The following LYPLAL1 variants were observed in gnomAD, a reference collection of about 807,000 sequenced individuals.
LYPLAL1 encodes lysophospholipase like 1.
LYPLAL1 carries 23 observed loss-of-function variants against 19.7 expected under a neutral mutation model. The ratio of observed to expected loss-of-function variants is 1.17; its 90% CI spans 0.84 to 1.65. The LOEUF is 1.65. Ranked by LOEUF, LYPLAL1 falls within the 40% of genes most tolerant of loss-of-function variation. The pLI is 0.00. For synonymous variants in LYPLAL1, 119 were observed against 96.3 expected, an observed-to-expected ratio of 1.24 and a Z score of -1.38; for missense variants, 355 against 279.4, an observed-to-expected ratio of 1.27 and a Z score of -1.93.
At chr1:219,220,619 A>T in the LYPLAL1 span, among the ~76,000 whole-genome samples, 1 of 152,254 alleles carries the variant, frequency 6.6e-6, no homozygotes, top group African/African-American at 2.4e-5. Flanking sequence ...TGCCTTACTA[A>T]GGCATGTGAA....
At chr1:219,199,016 A>G (rs1171814717) in intron 3 of LYPLAL1, among the ~76,000 whole-genome samples, 4 of 152,208 alleles carry the variant, frequency 2.6e-5, no homozygotes, top group Non-Finnish European at 4.4e-5. Context: ...ACGTGAACAT[A>G]TGAATGATGA....
At chr1:219,360,490 G>A in the LYPLAL1 span, among the ~76,000 whole-genome samples, 1 of 152,266 alleles carries the variant, frequency 6.6e-6, no homozygotes, top group South Asian at 2.1e-4. Flanking sequence ...GTTCCTATGA[G>A]AGAAAAGACC....
At chr1:219,334,998 C>T in the LYPLAL1 span, among the ~76,000 whole-genome samples, 2 of 152,042 alleles carry the variant, frequency 1.3e-5, no homozygotes, top group South Asian at 4.1e-4. Context: ...CATACTTGCA[C>T]TCATGGTTCT....
the LYPLAL1 span, among the ~76,000 whole-genome samples, chr1:219,401,988 T>G: frequency 1.3e-5 from 2 of 152,198 alleles, no homozygotes; most frequent in Non-Finnish European, 2.9e-5. Context: ...CCCTAGAACT[T>G]GGCCTCCTAT....
At chr1:219,394,900 G>T in the LYPLAL1 span, among the ~76,000 whole-genome samples, 1 of 152,074 alleles carries the variant, frequency 6.6e-6, no homozygotes, top group South Asian at 2.1e-4. Flanking sequence ...TTCTGTTCCC[G>T]CATTAGTTTG....
At chr1:219,383,891 A>T in the LYPLAL1 span, among the ~76,000 whole-genome samples, 1 of 152,278 alleles carries the variant, frequency 6.6e-6, no homozygotes, top group East Asian at 1.9e-4. Context: ...AAGAGAAGTG[A>T]TTTATGATGT....
At chr1:219,280,935 G>T in the LYPLAL1 span, among the ~76,000 whole-genome samples, 1 of 152,098 alleles carries the variant, frequency 6.6e-6, no homozygotes, top group African/African-American at 2.4e-5. Context: ...TGTAATGCCA[G>T]CTCCTCAGGA....
chr1:219,257,446 A>T, the LYPLAL1 span, among the ~76,000 whole-genome samples: 6 of 150,612 alleles, frequency 4.0e-5, no homozygotes. Context: ...ATTTTCCCTA[A>T]GTGTCAGCCA....
chr1:219,233,949 A>G, the LYPLAL1 span, among the ~76,000 whole-genome samples: 4 of 152,196 alleles, frequency 2.6e-5, no homozygotes, highest in South Asian at 8.3e-4. Flanking sequence ...GGGATTCTGA[A>G]AAAAGAGATG....
the LYPLAL1 span, among the ~76,000 whole-genome samples, chr1:219,405,751 A>T: frequency 6.6e-6 from 1 of 152,230 alleles, no homozygotes; most frequent in African/African-American, 2.4e-5. Context: ...GCTCATATAC[A>T]GTATGCAAAG....
chr1:219,230,528 A>G, the LYPLAL1 span, among the ~76,000 whole-genome samples: 5 of 152,234 alleles, frequency 3.3e-5, no homozygotes, highest in African/African-American at 1.2e-4. Flanking sequence ...CTGATTCATA[A>G]TGTTTTCAAT....
the LYPLAL1 span, among the ~76,000 whole-genome samples, chr1:219,420,990 A>G: frequency 6.6e-6 from 1 of 152,200 alleles, no homozygotes. Flanking sequence ...AATGGAGTCT[A>G]CTTTAAGCAA....
the LYPLAL1 span, among the ~76,000 whole-genome samples, chr1:219,289,362 G>A: frequency 5.9e-5 from 9 of 152,250 alleles, no homozygotes; most frequent in East Asian, 1.7e-3. Context: ...AAATTGTGAA[G>A]TGCTGTATAT....
chr1:219,230,402 C>T, the LYPLAL1 span, among the ~76,000 whole-genome samples: 3 of 150,784 alleles, frequency 2.0e-5, no homozygotes, highest in Admixed American at 6.6e-5. Flanking sequence ...TGAGCCACCG[C>T]ACCCGGCCGT....
the LYPLAL1 span, among the ~76,000 whole-genome samples, chr1:219,322,940 G>A: frequency 9.2e-5 from 14 of 152,192 alleles, no homozygotes; most frequent in Non-Finnish European, 2.1e-4. Flanking sequence ...GTTTCTACAT[G>A]TTGAAATAGG....
At chr1:219,200,660 G>A in intron 3 of LYPLAL1, 2 of 229,282 alleles carry the variant, frequency 8.7e-6, no homozygotes, top group East Asian at 1.1e-4. Flanking sequence ...GCCACGATCT[G>A]TCAAAAACCA....
At chr1:219,391,597 A>G in the LYPLAL1 span, among the ~76,000 whole-genome samples, 1 of 151,914 alleles carries the variant, frequency 6.6e-6, no homozygotes, top group Non-Finnish European at 1.5e-5. Flanking sequence ...AGCCAGGACT[A>G]TTTTCTCTTT....
At chr1:219,250,709 G>T in the LYPLAL1 span, among the ~76,000 whole-genome samples, 1 of 151,956 alleles carries the variant, frequency 6.6e-6, no homozygotes, top group African/African-American at 2.4e-5. Context: ...TGTCATTGAT[G>T]GGTGTTTAGG....
At chr1:219,338,221 A>G in the LYPLAL1 span, among the ~76,000 whole-genome samples, 4 of 152,014 alleles carry the variant, frequency 2.6e-5, no homozygotes, top group African/African-American at 9.7e-5. Flanking sequence ...TCAACCAGGG[A>G]TAGATGCATT....
Sources: allele counts gnomAD v4.1 joint callset (sites outside exome capture counted in the v4.1 genomes callset), GRCh38; gene constraint gnomAD v4.1.1; transcripts MANE v1.5; gene names NCBI Gene and HGNC (gene_info 2026-07-23, HGNC 2026-07-21).